The following ZBTB7C variants were observed in gnomAD, a reference collection of about 807,000 sequenced individuals.
The protein encoded by ZBTB7C is zinc finger and BTB domain-containing protein 7C.
Under a neutral mutation model 25.7 loss-of-function variants are expected in ZBTB7C, and 8 were observed. The ratio of observed to expected loss-of-function variants is 0.31; its 90% CI spans 0.18 to 0.56. ZBTB7C has a LOEUF of 0.56. Among genes scored for constraint, ZBTB7C ranks in the 20% least tolerant of loss-of-function variants. The probability of loss-of-function intolerance (pLI) is 0.91; values close to 1 mark genes in which losing one functional copy is unlikely to be tolerated. For synonymous variants in ZBTB7C, 394 were observed against 369.0 expected (o/e 1.07, Z -0.78); for missense variants, 824 against 855.2 (o/e 0.96, Z 0.46).
At chr18:48,248,707 G>T (rs1415295724) in intron 2 of ZBTB7C, among the ~76,000 whole-genome samples, 1 of 151,974 alleles carries the variant, frequency 6.6e-6, no homozygotes, top group African/African-American at 2.4e-5. Context: ...AAAGGCACCT[G>T]GTAACTCGAT....
At chr18:48,319,041 G>C (rs553821457) in intron 2 of ZBTB7C, among the ~76,000 whole-genome samples, 11 of 152,186 alleles carry the variant, frequency 7.2e-5, no homozygotes, top group Non-Finnish European at 1.3e-4. Context: ...GCATCAGAGA[G>C]TAAGGTCGCT....
intron 4 of ZBTB7C, among the ~76,000 whole-genome samples, chr18:48,035,083 G>A (rs1264536062): frequency 6.6e-6 from 1 of 152,212 alleles, no homozygotes; most frequent in Non-Finnish European, 1.5e-5. Flanking sequence ...GGACTACAAA[G>A]AAAATAGAGG....
chr18:48,326,084 T>C (rs1310180466), intron 2 of ZBTB7C, among the ~76,000 whole-genome samples: 1 of 147,766 alleles, frequency 6.8e-6, no homozygotes, highest in African/African-American at 2.5e-5. Context: ...TAATGCATAC[T>C]CTACCAACAT....
At chr18:48,082,057 G>A (rs2038011646) in intron 3 of ZBTB7C, among the ~76,000 whole-genome samples, 1 of 152,200 alleles carries the variant, frequency 6.6e-6, no homozygotes, top group African/African-American at 2.4e-5. Flanking sequence ...GACAGTGTTG[G>A]TCTACGCATT....
chr18:48,305,967 A>G (rs924944101), intron 2 of ZBTB7C, among the ~76,000 whole-genome samples: 2 of 152,250 alleles, frequency 1.3e-5, no homozygotes, highest in African/African-American at 4.8e-5. Flanking sequence ...GCTCAGAAAC[A>G]TCCTGAAAAG....
intron 2 of ZBTB7C, among the ~76,000 whole-genome samples, chr18:48,335,525 T>C (rs1262469786): frequency 1.3e-5 from 2 of 152,150 alleles, no homozygotes; most frequent in Non-Finnish European, 2.9e-5. Flanking sequence ...GAATAAGTGA[T>C]TCAAGATATC....
chr18:48,092,234 C>G (rs1389417468), intron 3 of ZBTB7C, among the ~76,000 whole-genome samples: 3 of 152,202 alleles, frequency 2.0e-5, no homozygotes, highest in African/African-American at 7.2e-5. Flanking sequence ...ATCCCCTTGG[C>G]AAATGTAATG....
intron 2 of ZBTB7C, among the ~76,000 whole-genome samples, chr18:48,193,197 C>T (rs76440809): frequency 0.018 from 2,708 of 152,206 alleles, 88 homozygotes; most frequent in African/African-American, 0.062. Context: ...GCAAACAGGG[C>T]TGTGCACCCC....
intron 3 of ZBTB7C, among the ~76,000 whole-genome samples, chr18:48,084,634 GGTGTTTACACAGATTCAGACCCA>G (rs1372692989): frequency 6.6e-6 from 1 of 152,160 alleles, no homozygotes; most frequent in Non-Finnish European, 1.5e-5. Flanking sequence ...CCCCGTGGCT[GGTGTTTACACAGATTCAGACCCA>G]GTGTGGCCCA....
chr18:48,360,957 T>A (rs12607339), intron 1 of ZBTB7C, among the ~76,000 whole-genome samples: 46,338 of 151,766 alleles, frequency 0.31, 8,175 homozygotes, highest in East Asian at 0.7. Context: ...ACAGGTGTGT[T>A]TTGTTTTTCC....
intron 2 of ZBTB7C, among the ~76,000 whole-genome samples, chr18:48,243,299 C>T (rs557151360): frequency 7.4e-4 from 108 of 145,692 alleles, no homozygotes; most frequent in African/African-American, 2.6e-3. Flanking sequence ...AAGCTCCTAG[C>T]TCTGATAAAT....
Position 48,228,973 on chromosome 18 carries a change from C to T in ZBTB7C, c.-78-42978G>A, listed in dbSNP as rs139415298. Among the ~76,000 whole-genome samples the T allele has an allele frequency of 4.5e-3, 686 of 152,210 alleles. 10 individuals are homozygous for T. The highest frequency in any genetic ancestry group is 0.021 in the South Asian group (102 of 4,822). On this transcript the variant is annotated intron_variant, in intron 2 of 4. Transcript: ENST00000590800. ...CTCTCCAGTGGCAGCCACAGAGCCT[C>T]GAACCATCTGGAAACATAAGCACGG...
chr18:48,061,822 A>G (rs1204412219), intron 3 of ZBTB7C, among the ~76,000 whole-genome samples: 1 of 152,164 alleles, frequency 6.6e-6, no homozygotes, highest in Non-Finnish European at 1.5e-5. Flanking sequence ...ATCACTAGGC[A>G]TTTGGTATAA....
At chr18:48,204,544 C>T (rs1247169515) in intron 2 of ZBTB7C, among the ~76,000 whole-genome samples, 1 of 152,106 alleles carries the variant, frequency 6.6e-6, no homozygotes, top group African/African-American at 2.4e-5. Context: ...GGAACTTAAA[C>T]CCAGGCCTCC....
intron 3 of ZBTB7C, among the ~76,000 whole-genome samples, chr18:48,113,332 A>G (rs2039312576): frequency 6.6e-6 from 1 of 152,258 alleles, no homozygotes; most frequent in Non-Finnish European, 1.5e-5. Flanking sequence ...AAGTGAAACT[A>G]CCCCCATCAC....
intron 3 of ZBTB7C, among the ~76,000 whole-genome samples, chr18:48,111,013 CCAGG>C (rs1166152038): frequency 6.6e-6 from 1 of 152,166 alleles, no homozygotes; most frequent in East Asian, 1.9e-4. Context: ...ACAAAGAGAG[CCAGG>C]CCAAGGACCG....
intron 3 of ZBTB7C, among the ~76,000 whole-genome samples, chr18:48,113,192 T>G (rs2039307055): frequency 6.6e-6 from 1 of 152,238 alleles, no homozygotes; most frequent in Non-Finnish European, 1.5e-5. Flanking sequence ...CTGAACCTGC[T>G]GGCCAGTAGA....
chr18:48,236,281 C>A (rs1006771656), intron 2 of ZBTB7C, among the ~76,000 whole-genome samples: 1 of 152,182 alleles, frequency 6.6e-6, no homozygotes, highest in Non-Finnish European at 1.5e-5. Flanking sequence ...TCTAAGTTAA[C>A]CCACACTTTG....
At chr18:48,396,864 A>G (rs898982910) in intron 1 of ZBTB7C, among the ~76,000 whole-genome samples, 6 of 152,232 alleles carry the variant, frequency 3.9e-5, no homozygotes, top group African/African-American at 1.4e-4. Context: ...AGAAGTTGAA[A>G]TATACAAGTA....
Sources: gnomAD v4.1 joint callset for allele counts (sites outside exome capture counted in the v4.1 genomes callset) on GRCh38, gnomAD v4.1.1 for gene constraint, MANE v1.5 for transcripts, NCBI Gene and HGNC (gene_info 2026-07-23, HGNC 2026-07-21) for gene names.